The following PSMA6 variants were observed in gnomAD, a reference collection of about 807,000 sequenced individuals.
PSMA6 encodes proteasome 20S subunit alpha 6, also known as proteasome subunit alpha type-6.
For synonymous variants in PSMA6, 88 were observed against 97.7 expected (o/e 0.90, Z 0.59); for missense variants, 170 against 294.8 (o/e 0.58, Z 3.10).
At chr14:35,309,933 CTG>C (rs1179054205) in intron 3 of PSMA6, among the ~76,000 whole-genome samples, 2 of 151,796 alleles carry the variant, frequency 1.3e-5, no homozygotes, top group Non-Finnish European at 2.9e-5. Context: ...GATCATGAGA[CTG>C]TACTGCAGCC....
intron 3 of PSMA6, among the ~76,000 whole-genome samples, chr14:35,309,773 G>T (rs2051904174): frequency 6.6e-6 from 1 of 152,076 alleles, no homozygotes; most frequent in Admixed American, 6.6e-5. Flanking sequence ...TCCAGCCTCG[G>T]CAACAGAGTG....
Position 35,306,716 on chromosome 14 carries a change from A to G in PSMA6, c.77-1278A>G, listed in dbSNP as rs113633351. Among the ~76,000 whole-genome samples, 709 of 152,310 alleles carry G rather than the reference A, an allele frequency of 4.7e-3. 3 individuals are homozygous for G. Among genetic ancestry groups the G allele is most frequent in the Admixed American group, 6.2e-3 (95 of 15,296 alleles). ...AGCAAGATCTGTAATCTTACTGTCG[A>G]AAGACAGCCATTATCAATTATGCTA... On this transcript the variant is annotated intron_variant, in intron 1 of 6. Coordinates refer to ENST00000261479, the MANE Select transcript of PSMA6 (RefSeq NM_002791.3).
upstream of PSMA6, among the ~76,000 whole-genome samples, chr14:35,289,049 G>A (rs2051450037): frequency 6.6e-6 from 1 of 152,156 alleles, no homozygotes; most frequent in Non-Finnish European, 1.5e-5. Context: ...AATGTGGCCA[G>A]GGAAGCCAAA....
In PSMA6 at chr14:35,307,126, C is replaced by T. The variant is rs553463319; in HGVS notation, c.77-868C>T. Among the ~76,000 whole-genome samples the T allele has an allele frequency of 5.9e-5, 9 of 152,048 alleles. No homozygotes were observed. The South Asian group carries it at 8.3e-4, about 14-fold the overall frequency. ...TCGTGCCACCTCACTCCAACCTGGGCGACAGAGCGAGACTCCATCTCAAAA... is the reference window on the plus strand; with the variant it reads ...TCGTGCCACCTCACTCCAACCTGGGTGACAGAGCGAGACTCCATCTCAAAA... On this transcript the variant is annotated intron_variant, in intron 1 of 6. Coordinates refer to ENST00000261479, the MANE Select transcript of PSMA6 (RefSeq NM_002791.3).
intron 4 of PSMA6, 128 bp downstream of exon 4, chr14:35,311,023 ATCTT>A (rs1418740886): frequency 3.4e-6 from 3 of 884,500 alleles, no homozygotes; most frequent in African/African-American, 3.4e-5. Flanking sequence ...GAGTGGGAAA[ATCTT>A]TATAATAAAT....
intron 3 of PSMA6, chr14:35,310,116 C>G: frequency 2.5e-6 from 1 of 392,396 alleles, no homozygotes; most frequent in South Asian, 1.9e-5. Flanking sequence ...TCCAAGACCC[C>G]ATCTCTAAAA....
At chr14:35,289,631 C>G (rs117951339), upstream of PSMA6, among the ~76,000 whole-genome samples, 2 of 151,926 alleles carry the variant, frequency 1.3e-5, no homozygotes. Context: ...TTGCACCACG[C>G]CCAGCCTAAA....
chr14:35,289,456 C>T (rs774491919), upstream of PSMA6, among the ~76,000 whole-genome samples: 4 of 152,034 alleles, frequency 2.6e-5, no homozygotes, highest in Non-Finnish European at 5.9e-5. Context: ...CAACCTCTCC[C>T]GAGTAGCTGG....
intron 2 of PSMA6, among the ~76,000 whole-genome samples, chr14:35,308,624 C>T (rs920118488): frequency 3.9e-5 from 6 of 152,154 alleles, no homozygotes; most frequent in South Asian, 4.1e-4. Flanking sequence ...ATAAGCATAA[C>T]GGTGTTTCTA....
At chr14:35,285,830 A>G (rs531515521) in intron 1 of PSMA6, among the ~76,000 whole-genome samples, 15 of 152,372 alleles carry the variant, frequency 9.8e-5, no homozygotes, top group Non-Finnish European at 1.9e-4. Flanking sequence ...TCCCCCATCA[A>G]CATTCATGGG....
intron 6 of PSMA6, 127 bp from the exon 7 acceptor site, chr14:35,317,122 T>C: frequency 2.9e-6 from 2 of 696,264 alleles, no homozygotes; most frequent in South Asian, 1.8e-5. Flanking sequence ...TAAAGATTGG[T>C]TTATAAATTG....
At chr14:35,283,552 CTTTTT>C (rs750836861) in intron 1 of PSMA6, among the ~76,000 whole-genome samples, 1 of 126,686 alleles carries the variant, frequency 7.9e-6, no homozygotes, top group Non-Finnish European at 1.7e-5. Context: ...GACTAGAACT[CTTTTT>C]TTTTTTTTTT....
At chr14:35,303,849 C>T (rs886327446) in intron 1 of PSMA6, among the ~76,000 whole-genome samples, 1 of 151,398 alleles carries the variant, frequency 6.6e-6, no homozygotes, top group Non-Finnish European at 1.5e-5. Context: ...TGTAGTATAA[C>T]AACTATTTAG....
chr14:35,278,608 C>T (rs1402560970), upstream of PSMA6: 1 of 1,354,332 alleles, frequency 7.4e-7, no homozygotes, highest in Non-Finnish European at 1.0e-6. Flanking sequence ...ACGATTCCAT[C>T]CATGCGGCTC....
At chr14:35,292,651 G>A in intron 1 of PSMA6, 99 bp downstream of exon 1, 2 of 1,544,478 alleles carry the variant, frequency 1.3e-6, no homozygotes, top group Non-Finnish European at 1.7e-6. Context: ...TGGGGCCGAA[G>A]CTGGGCTGGA....
intron 6 of PSMA6, 29 bp downstream of exon 6, chr14:35,314,484 C>A: frequency 6.3e-7 from 1 of 1,597,058 alleles, no homozygotes; most frequent in Non-Finnish European, 8.6e-7. Flanking sequence ...CACATGCAGA[C>A]TAGAAAGGTG....
At chr14:35,284,990 T>A (rs192532959) in intron 1 of PSMA6, among the ~76,000 whole-genome samples, 7 of 152,148 alleles carry the variant, frequency 4.6e-5, no homozygotes, top group African/African-American at 1.7e-4. Flanking sequence ...CCATTATGGA[T>A]GAAATACATT....
intron 1 of PSMA6, chr14:35,293,179 C>G (rs1174149530): frequency 1.1e-5 from 4 of 359,048 alleles, no homozygotes; most frequent in Non-Finnish European, 2.2e-5. Context: ...GAATGAGTGA[C>G]TCAATTCTAG....
At chr14:35,309,887 G>A (rs1440213150) in intron 3 of PSMA6, among the ~76,000 whole-genome samples, 2 of 151,990 alleles carry the variant, frequency 1.3e-5, no homozygotes, top group African/African-American at 2.4e-5. Flanking sequence ...CAGGAGAATC[G>A]CTTGAACCCG....
Sources: gnomAD v4.1 joint callset for allele counts (sites outside exome capture counted in the v4.1 genomes callset) on GRCh38, gnomAD v4.1.1 for gene constraint, MANE v1.5 for transcripts, NCBI Gene and HGNC (gene_info 2026-07-23, HGNC 2026-07-21) for gene names.